Variants in CCDC144A observed in about 807,000 individuals in gnomAD.
The protein encoded by CCDC144A is coiled-coil domain-containing protein 144A.
In CCDC144A, 41 loss-of-function variants were observed where a neutral mutation model predicts 143.8. The observed-to-expected ratio is 0.29, with a 90% CI of 0.22 to 0.37. The LOEUF is 0.37. CCDC144A is among the 10% of genes least tolerant of loss of function. The pLI is 1.00. For synonymous variants in CCDC144A, 242 were observed against 517.9 expected (o/e 0.47, Z 7.23); for missense variants, 637 against 1,488.8 (o/e 0.43, Z 9.41).
chr17:16,733,202 T>C (rs1170415600), intron 11 of CCDC144A, among the ~76,000 whole-genome samples: 1 of 149,910 alleles, frequency 6.7e-6, no homozygotes, highest in African/African-American at 2.5e-5. Context: ...TGCCATAATA[T>C]AAACTTGGTG....
intron 12 of CCDC144A, chr17:16,745,506 C>T: frequency 2.6e-6 from 3 of 1,161,600 alleles, no homozygotes; most frequent in Non-Finnish European, 3.8e-6. Flanking sequence ...CTATGTCACC[C>T]TCTGTATTTT....
intron 8 of CCDC144A, among the ~76,000 whole-genome samples, chr17:16,723,943 ACC>A (rs1913239079): frequency 6.6e-6 from 1 of 152,022 alleles, no homozygotes; most frequent in African/African-American, 2.4e-5. Flanking sequence ...AAAAGTCAAG[ACC>A]ATTGACTTGA....
At chr17:16,683,895 G>A in the CCDC144A span, 1 of 1,346,668 alleles carries the variant, frequency 7.4e-7, no homozygotes, top group Non-Finnish European at 1.1e-6. Flanking sequence ...GCTGATGGCT[G>A]CTGCTCCAGT....
At chr17:16,756,668 G>T (rs1310996721) in intron 12 of CCDC144A, among the ~76,000 whole-genome samples, 2 of 150,726 alleles carry the variant, frequency 1.3e-5, no homozygotes, top group Admixed American at 1.3e-4. Context: ...GAATTACTCT[G>T]TTCCTTTGGA....
intron 2 of CCDC144A, among the ~76,000 whole-genome samples, chr17:16,696,095 A>G (rs1333894008): frequency 2.0e-5 from 3 of 151,962 alleles, no homozygotes; most frequent in Admixed American, 6.5e-5. Context: ...GCTCACTGCA[A>G]CCTCCGCCTC....
intron 6 of CCDC144A, among the ~76,000 whole-genome samples, chr17:16,719,558 G>C (rs1395011021): frequency 6.6e-6 from 1 of 152,082 alleles, no homozygotes; most frequent in African/African-American, 2.4e-5. Context: ...TTGAGTTCTG[G>C]GTCTGCTACT....
At chr17:16,767,991 C>T (rs1468697845) in intron 15 of CCDC144A, among the ~76,000 whole-genome samples, 1 of 152,226 alleles carries the variant, frequency 6.6e-6, no homozygotes, top group Non-Finnish European at 1.5e-5. Flanking sequence ...ACAAGGAAGG[C>T]CTGGAAATTA....
rs539551121 is a variant in CCDC144A, at chr17:16,725,658, C to A, written c.1892-1869C>A. ...TGGGAGGGGGGTGAGGGACAAAAGA[C>A]TACGGATTGGATCCAGTGTATGCTG... is the stretch of plus-strand genomic sequence containing the variant. On this transcript the variant is annotated intron_variant, in intron 8 of 16. Coordinates refer to ENST00000399273, the MANE Select transcript of CCDC144A (RefSeq NM_001382000.1). Among the ~76,000 whole-genome samples, 7 of 150,326 alleles carry A rather than the reference C, an allele frequency of 4.7e-5. No individual in the cohort carries two copies. The South Asian group carries it at 1.5e-3, about 32-fold the overall frequency.
intron 8 of CCDC144A, among the ~76,000 whole-genome samples, chr17:16,723,854 A>T (rs546512084): frequency 6.6e-6 from 1 of 152,210 alleles, no homozygotes; most frequent in Non-Finnish European, 1.5e-5. Context: ...TGCTTATTGT[A>T]TCATTTCCTC....
intron 12 of CCDC144A, chr17:16,746,343 C>T: frequency 4.5e-6 from 5 of 1,106,500 alleles, no homozygotes; most frequent in Middle Eastern, 3.0e-4. Context: ...TTTTCTAACT[C>T]TCTCCTCCGT....
chr17:16,744,001 C>T (rs1239939725), intron 12 of CCDC144A, among the ~76,000 whole-genome samples: 1 of 152,204 alleles, frequency 6.6e-6, no homozygotes, highest in Non-Finnish European at 1.5e-5. Flanking sequence ...CATGTTGCTG[C>T]AAAGGGCAGT....
intron 9 of CCDC144A, among the ~76,000 whole-genome samples, chr17:16,729,991 T>TATATACACACAC (rs1491438660): frequency 1.6e-4 from 18 of 114,826 alleles, no homozygotes; most frequent in Non-Finnish European, 2.2e-4. Context: ...TATATATATA[T>TATATACACACAC]ACACACATAC....
rs1205678573 is a variant in CCDC144A at position 16,720,509 on chromosome 17, T to C, written c.1750-8T>C. The stretch of plus-strand genomic sequence containing the variant: ...GGACATTTTGAAACAGTATTATTTA[T>C]CTTATAGGTCAAAAACCAAATATAT... On this transcript the variant is annotated splice_polypyrimidine_tract_variant and splice_region_variant and intron_variant, in intron 7 of 16. Coordinates refer to ENST00000399273, the MANE Select transcript of CCDC144A (RefSeq NM_001382000.1). 2.2e-5 allele frequency: 35 copies of C among 1,595,714 alleles called. No individual in the cohort carries two copies. The Middle Eastern group carries it at 5.0e-4, about 23-fold the overall frequency.
At chr17:16,692,884 C>T in intron 1 of CCDC144A, 95 bp from the exon 2 acceptor site, 1 of 1,070,964 alleles carries the variant, frequency 9.3e-7, no homozygotes, top group Non-Finnish European at 1.3e-6. Context: ...GATATTAACT[C>T]TGATATTGTT....
chr17:16,717,081 G>T (rs1223800336), intron 6 of CCDC144A, among the ~76,000 whole-genome samples: 1 of 149,382 alleles, frequency 6.7e-6, no homozygotes, highest in East Asian at 2.0e-4. Context: ...GATTACAGGC[G>T]TGAGCCACCG....
rs1454806071 is a variant in CCDC144A at position 16,776,082 on chromosome 17, G to A, written c.*2449G>A. 6.6e-6 allele frequency: 1 copy of A among 152,290 alleles called. No homozygotes were observed. Among genetic ancestry groups the A allele is most frequent in the East Asian group, 1.9e-4 (1 of 5,192 alleles). The allele number at this position is 152,290 out of a possible 1,614,324, so 9.4% of individuals were successfully genotyped here. A position where few individuals can be genotyped will look rare whatever the true frequency, so the allele number is the denominator to read the frequency against. On this transcript the variant is annotated 3_prime_UTR_variant, in exon 17 of 17. Transcript: ENST00000399273. ...GGTCTATGTGTCGGTTCTTGTACCA[G>A]CACTATGCTGTTTTGGTTACTGTAG... is the stretch of plus-strand genomic sequence containing the variant.
Position 16,708,845 on chromosome 17 carries a change from T to C in CCDC144A, c.788T>C (p.Ile263Thr), listed in dbSNP as rs562861000. ...GCTAAGGATTGCGATAGAGAGGATA[T>C]ACCTATATATCCAGTACTTCCTCAT... ...EMAKDCDRED[I>T]PIYPVLPHVQ... Residue 263 changes from isoleucine (I) to threonine (T), a missense_variant, in exon 5 of 17, where the codon ATA (isoleucine) becomes ACA (threonine). Physicochemically the swap from Ile to Thr is moderately conservative, Grantham distance 89. Coordinates refer to ENST00000399273, the MANE Select transcript of CCDC144A (RefSeq NM_001382000.1). 4 of 1,611,852 alleles carry C rather than the reference T, an allele frequency of 2.5e-6. No individual in the cohort carries two copies. The highest frequency in any genetic ancestry group is 1.1e-5 in the South Asian group (1 of 90,980).
intron 15 of CCDC144A, among the ~76,000 whole-genome samples, chr17:16,768,272 C>T (rs527364803): frequency 5.9e-5 from 9 of 152,308 alleles, no homozygotes; most frequent in Admixed American, 1.3e-4. Flanking sequence ...TTTGTGGAGG[C>T]CTGGGGAGTT....
the CCDC144A span, among the ~76,000 whole-genome samples, chr17:16,683,237 C>A: frequency 1.3e-5 from 2 of 151,974 alleles, no homozygotes; most frequent in South Asian, 4.2e-4. Context: ...TGTTCCTGAG[C>A]GCAATGTAAT....
Sources: allele counts gnomAD v4.1 joint callset (sites outside exome capture counted in the v4.1 genomes callset), GRCh38; gene constraint gnomAD v4.1.1; transcripts MANE v1.5; gene names NCBI Gene and HGNC (gene_info 2026-07-23, HGNC 2026-07-21).